TENM3: variants seen among roughly 807,000 people sequenced by gnomAD.
The protein encoded by TENM3 is teneurin transmembrane protein 3.
In TENM3, 63 loss-of-function variants were observed where a neutral mutation model predicts 255.1. The ratio of observed to expected loss-of-function variants is 0.25; its 90% CI spans 0.20 to 0.30. The LOEUF is 0.30. Ranked by LOEUF, TENM3 falls within the 10% of genes least tolerant of loss-of-function variation. The probability of loss-of-function intolerance (pLI) is 1.00; values close to 1 mark genes in which losing one functional copy is unlikely to be tolerated. For synonymous variants in TENM3, 1,306 were observed against 1,322.3 expected, an observed-to-expected ratio of 0.99 and a Z score of 0.27; for missense variants, 2,929 against 3,461.1, an observed-to-expected ratio of 0.85 and a Z score of 3.86.
At chr4:181,889,695 T>A in the TENM3 span, among the ~76,000 whole-genome samples, 3 of 152,192 alleles carry the variant, frequency 2.0e-5, no homozygotes, top group South Asian at 4.1e-4. Context: ...CAGAAAACTA[T>A]AATCCTTGGA....
chr4:182,184,862 C>T (rs1753046972), intron 1 of TENM3, among the ~76,000 whole-genome samples: 1 of 152,054 alleles, frequency 6.6e-6, no homozygotes, highest in African/African-American at 2.4e-5. Context: ...CGAGGTGTAT[C>T]ACCTGAGGTC....
chr4:181,866,299 T>C, the TENM3 span, among the ~76,000 whole-genome samples: 1 of 152,216 alleles, frequency 6.6e-6, no homozygotes, highest in African/African-American at 2.4e-5. Flanking sequence ...TCCTCCTGGT[T>C]AACTGTGTGG....
At chr4:181,618,556 A>C in the TENM3 span, among the ~76,000 whole-genome samples, 1 of 152,226 alleles carries the variant, frequency 6.6e-6, no homozygotes, top group Admixed American at 6.5e-5. Flanking sequence ...GAAATGCCTA[A>C]GGCTTCTAAG....
At chr4:181,820,884 G>T in the TENM3 span, among the ~76,000 whole-genome samples, 24 of 152,096 alleles carry the variant, frequency 1.6e-4, no homozygotes, top group African/African-American at 5.6e-4. Context: ...TCCTTCTGTA[G>T]AGTTTTAGAC....
the TENM3 span, among the ~76,000 whole-genome samples, chr4:181,499,898 G>T: frequency 6.6e-6 from 1 of 152,142 alleles, no homozygotes; most frequent in Non-Finnish European, 1.5e-5. Flanking sequence ...CAGAAGTGGC[G>T]CAGTCTAGAA....
Position 182,177,276 on chromosome 4 carries a change from A to G in TENM3, c.-76+32522A>G, listed in dbSNP as rs116297847. 6.2e-3 allele frequency among the ~76,000 whole-genome samples: 941 copies of G among 152,162 alleles called. 9 individuals are homozygous for G. The highest frequency in any genetic ancestry group is 0.021 in the African/African-American group (862 of 41,518). On this transcript the variant is annotated intron_variant, in intron 1 of 2. Transcript: ENST00000512480. ...ATTTCATTATTTTTAATGTGTGATC[A>G]CCCCACAATTGCGCCAGATGAAGTA...
rs7661283 is a variant in TENM3 at position 182,802,409 on chromosome 4, T to C, written c.*2058T>C. ...TTTTTAACTGTTAGGTATTTGCAGT[T>C]CTGTTCCGTGGAACTTCTGCAGGCC... On this transcript the variant is annotated 3_prime_UTR_variant, in exon 28 of 28. Transcript: ENST00000511685. 1 of 152,672 alleles carries C rather than the reference T, an allele frequency of 6.5e-6. No homozygotes were observed. The highest frequency in any genetic ancestry group is 1.5e-5 in the Non-Finnish European group (1 of 68,042). 9.5% of individuals were successfully genotyped at this position (152,672 alleles called of 1,614,324 possible). A position where few individuals can be genotyped will look rare whatever the true frequency, so the allele number is the denominator to read the frequency against.
chr4:182,766,314 T>G (rs1763713276), intron 22 of TENM3, among the ~76,000 whole-genome samples: 1 of 151,970 alleles, frequency 6.6e-6, no homozygotes, highest in South Asian at 2.1e-4. Flanking sequence ...CAAGACCAGA[T>G]AGCTAAACAA....
At chr4:182,169,743 T>A (rs928651811) in intron 1 of TENM3, among the ~76,000 whole-genome samples, 24 of 152,172 alleles carry the variant, frequency 1.6e-4, no homozygotes, top group African/African-American at 5.5e-4. Flanking sequence ...GAATATTTAA[T>A]CCTTTAAAGC....
At chr4:181,765,478 C>T in the TENM3 span, among the ~76,000 whole-genome samples, 141,015 of 152,266 alleles carry the variant, frequency 0.93, 66,225 homozygotes, top group East Asian at 1. Flanking sequence ...TCTGATTTCA[C>T]GACTGAAAAA....
At chr4:181,999,932 T>C in the TENM3 span, among the ~76,000 whole-genome samples, 165 of 152,294 alleles carry the variant, frequency 1.1e-3, 3 homozygotes, top group East Asian at 0.023. Context: ...TTAATGAGTT[T>C]AACCTTTATG....
chr4:181,905,407 G>A, the TENM3 span, among the ~76,000 whole-genome samples: 2 of 152,068 alleles, frequency 1.3e-5, no homozygotes, highest in African/African-American at 4.8e-5. Flanking sequence ...TCCAGCTGCT[G>A]GGCAAATCTA....
At chr4:182,572,778 C>A (rs911665770) in intron 3 of TENM3, among the ~76,000 whole-genome samples, 4 of 152,152 alleles carry the variant, frequency 2.6e-5, no homozygotes, top group African/African-American at 9.7e-5. Context: ...AATTCACGTA[C>A]CAACTCATAT....
At chr4:181,692,421 T>C in the TENM3 span, among the ~76,000 whole-genome samples, 1 of 152,210 alleles carries the variant, frequency 6.6e-6, no homozygotes, top group Admixed American at 6.5e-5. Context: ...AATTGTAGTC[T>C]AATGTTCAAG....
At chr4:181,826,351 A>C in the TENM3 span, among the ~76,000 whole-genome samples, 39 of 152,342 alleles carry the variant, frequency 2.6e-4, 1 homozygote, top group African/African-American at 9.4e-4. Context: ...GATAAGTGTT[A>C]ATTTTCTGGT....
chr4:182,498,506 T>C (rs1304916594), intron 3 of TENM3, among the ~76,000 whole-genome samples: 2 of 152,072 alleles, frequency 1.3e-5, no homozygotes, highest in Non-Finnish European at 2.9e-5. Context: ...ACACTTTTCT[T>C]CCATTAGCTT....
At chr4:182,467,297 A>AAATGATGT (rs150701985) in intron 3 of TENM3, among the ~76,000 whole-genome samples, 1 of 151,618 alleles carries the variant, frequency 6.6e-6, no homozygotes, top group Non-Finnish European at 1.5e-5. Flanking sequence ...TGTAAAAGAG[A>AAATGATGT]AATGATATAA....
At chr4:182,746,545 T>C (rs1762025695) in intron 19 of TENM3, among the ~76,000 whole-genome samples, 1 of 152,074 alleles carries the variant, frequency 6.6e-6, no homozygotes, top group South Asian at 2.1e-4. Flanking sequence ...CTTGGGGCCT[T>C]GAGGGCTCTA....
the TENM3 span, among the ~76,000 whole-genome samples, chr4:181,744,391 G>T: frequency 6.6e-6 from 1 of 152,158 alleles, no homozygotes; most frequent in Non-Finnish European, 1.5e-5. Flanking sequence ...CTAGGTCTTT[G>T]AGGAATCACT....
Sources: gnomAD v4.1 joint callset for allele counts (sites outside exome capture counted in the v4.1 genomes callset) on GRCh38, gnomAD v4.1.1 for gene constraint, MANE v1.5 for transcripts, NCBI Gene and HGNC (gene_info 2026-07-23, HGNC 2026-07-21) for gene names.